The following CYBB variants were observed in gnomAD, a reference collection of about 807,000 sequenced individuals.
CYBB encodes NADPH oxidase 2.
In CYBB, 5 loss-of-function variants were observed where a neutral mutation model predicts 46.5. The observed-to-expected ratio is 0.11, with a 90% CI of 0.06 to 0.23. The LOEUF is 0.23. Ranked by LOEUF, CYBB falls within the 10% of genes least tolerant of loss-of-function variation. CYBB has a pLI of 1.00. For missense variants in CYBB, 307 were observed against 428.3 expected, an observed-to-expected ratio of 0.72 and a Z score of 2.50; for synonymous variants, 183 against 156.7, an observed-to-expected ratio of 1.17 and a Z score of -1.26.
In CYBB at chrX:37,812,847, T is replaced by G. The variant is rs1296856022; in HGVS notation, c.*1930T>G. The stretch of plus-strand genomic sequence containing the variant: ...TTCACACTGCACCTCAGGTATCAAT[T>G]CATCTATTCAACAGATATTTATTGT... On this transcript the variant is annotated 3_prime_UTR_variant, in exon 13 of 13. Coordinates refer to ENST00000378588, the MANE Select transcript of CYBB (RefSeq NM_000397.4). The G allele has an allele frequency of 1.8e-5, 2 of 112,225 alleles. No homozygotes were observed. Among genetic ancestry groups the G allele is most frequent in the African/African-American group, 6.5e-5 (2 of 30,819 alleles). The allele number at this position is 112,225 out of a possible 1,213,427, so 9.2% of individuals were successfully genotyped here.
chrX:37,798,359 T>A (rs1602180905), intron 6 of CYBB: 1 of 120,898 alleles, frequency 8.3e-6, no homozygotes, highest in East Asian at 2.4e-4. Flanking sequence ...AATGTTATAA[T>A]CCCTATATAG....
rs1340552655 is a variant in CYBB, at chrX:37,803,167, CTTAG to C, written c.898-704_898-701del. On this transcript the variant is annotated intron_variant, in intron 8 of 12. Coordinates refer to ENST00000378588, the MANE Select transcript of CYBB (RefSeq NM_000397.4). ...GTGATTCAGGACAAAGATAGACCAACTTAGTTAGTCTTGTTTTGGGGAATGTTGC... is the reference window on the plus strand; with the variant it reads ...GTGATTCAGGACAAAGATAGACCAACTTAGTCTTGTTTTGGGGAATGTTGC... Among the ~76,000 whole-genome samples the C allele has an allele frequency of 3.6e-5, 4 of 111,369 alleles. 1 individual carries two copies. Among genetic ancestry groups the C allele is most frequent in the African/African-American group, 3.3e-5 (1 of 30,631 alleles).
chrX:37,805,265 A>T, intron 10 of CYBB, 97 bp downstream of exon 10: 20 of 888,006 alleles, frequency 2.3e-5, no homozygotes, highest in East Asian at 3.3e-5. Flanking sequence ...GGCAGAGACC[A>T]TGGGAAGTGA....
Position 37,793,714 on chromosome X carries a change from C to A in CYBB, c.387C>A (p.Ala129=), listed in dbSNP as rs782757422. Residue 129 remains alanine, a synonymous_variant, in exon 5 of 13, where the codon GCC becomes GCA. Coordinates refer to ENST00000378588, the MANE Select transcript of CYBB (RefSeq NM_000397.4). ...TTAATGTGGAATGGTGTGTGAATGC[C>A]CGAGTCAATAATTCTGATCCTTATT... ...HLFNVEWCVN[A]RVNNSDPYSV... is the part of the protein sequence containing the mutation. 1 of 1,207,060 alleles carries A rather than the reference C, an allele frequency of 8.3e-7. No homozygotes were observed. Among genetic ancestry groups the A allele is most frequent in the Non-Finnish European group, 1.1e-6 (1 of 892,105 alleles).
Position 37,801,303 on chromosome X carries a change from G to T in CYBB, c.852G>T (p.Arg284Ser), listed in dbSNP as rs1258465142. The T allele has an allele frequency of 6.6e-6, 8 of 1,207,256 alleles. No homozygotes were observed. The highest frequency in any genetic ancestry group is 7.8e-6 in the Non-Finnish European group (7 of 893,229). ...VGPMFLYLCE[R>S]LVRFWRSQQK... Reference sequence around the variant, plus strand: ...CCATGTTTCTGTATCTCTGTGAGAGGTTGGTGCGGTTTTGGCGATCTCAAC... The same window carrying T: ...CCATGTTTCTGTATCTCTGTGAGAGTTTGGTGCGGTTTTGGCGATCTCAAC... The change falls in exon 8 of 13, where the codon AGG becomes AGT. Residue 284 changes from arginine to serine, a missense_variant. Arg to Ser is a moderately radical substitution (Grantham distance 110). This residue lies in a region of CYBB where 82 missense variants were observed against 69.9 expected (regional missense o/e 1.17). Transcript: ENST00000378588.
chrX:37,797,414 A>G (rs1929336889), intron 6 of CYBB, among the ~76,000 whole-genome samples: 1 of 111,620 alleles, frequency 9.0e-6, no homozygotes, highest in African/African-American at 3.3e-5. Flanking sequence ...CTTCCTTTGA[A>G]GCAGACAGAG....
chrX:37,807,819 G>A (rs1556472162), intron 11 of CYBB, among the ~76,000 whole-genome samples: 1 of 111,209 alleles, frequency 9.0e-6, no homozygotes, highest in Non-Finnish European at 1.9e-5. Context: ...TCTCAACTGG[G>A]ACAATTTTGC....
chrX:37,782,487 T>G (rs1438127354), intron 2 of CYBB, among the ~76,000 whole-genome samples: 2 of 112,736 alleles, frequency 1.8e-5, no homozygotes, highest in African/African-American at 3.2e-5. Flanking sequence ...GTTGGAGCAA[T>G]CCATCCAGGA....
At chrX:37,808,719 GA>G (rs1475591366) in intron 11 of CYBB, among the ~76,000 whole-genome samples, 1 of 111,845 alleles carries the variant, frequency 8.9e-6, no homozygotes, top group East Asian at 2.8e-4. Flanking sequence ...TAAAACTCAG[GA>G]AAAAAATCTA....
intron 2 of CYBB, 46 bp from the exon 3 acceptor site, chrX:37,783,444 T>A: frequency 1.1e-6 from 1 of 870,112 alleles, no homozygotes; most frequent in Middle Eastern, 3.0e-4. Context: ...CAGGGCATAT[T>A]CTGTGCTCAA....
chrX:37,788,710 C>G (rs1556466123), intron 3 of CYBB, among the ~76,000 whole-genome samples: 1 of 111,304 alleles, frequency 9.0e-6, no homozygotes, highest in Admixed American at 9.5e-5. Context: ...TATCTGAAGA[C>G]AAAACTTGCT....
chrX:37,798,933 T>C, intron 6 of CYBB, 22 bp from the exon 7 acceptor site: 1 of 1,194,338 alleles, frequency 8.4e-7, no homozygotes, highest in Non-Finnish European at 1.1e-6. Context: ...CTAAATGATC[T>C]GGACTTACAT....
Position 37,786,437 on chromosome X carries a change from G to A in CYBB, c.252+2837G>A, listed in dbSNP as rs538795557. ...GTGTTTGAGCATGCCAAGTAACCTA[G>A]ACTAGAAATGACAAGGATGTTATAA... On this transcript the variant is annotated intron_variant, in intron 3 of 12. Coordinates refer to ENST00000378588, the MANE Select transcript of CYBB (RefSeq NM_000397.4). Among the ~76,000 whole-genome samples the A allele has an allele frequency of 7.2e-5, 8 of 111,851 alleles. No homozygotes were observed. In the Admixed American group the frequency reaches 7.6e-4, roughly 11 times the overall value.
chrX:37,780,305 A>C (rs1281616932), intron 1 of CYBB, among the ~76,000 whole-genome samples, 183 bp downstream of exon 1: 1 of 112,030 alleles, frequency 8.9e-6, no homozygotes, highest in Non-Finnish European at 1.9e-5. Flanking sequence ...TGGAAAGAAC[A>C]TATCTGGGGG....
chrX:37,803,806 A>G (rs781881754), intron 8 of CYBB, 71 bp from the exon 9 acceptor site: 19 of 1,119,515 alleles, frequency 1.7e-5, no homozygotes, highest in East Asian at 3.1e-5. Flanking sequence ...TCAGTTTTTT[A>G]TCCATATGGA....
At chrX:37,801,942 G>A (rs1929454250) in intron 8 of CYBB, among the ~76,000 whole-genome samples, 1 of 110,673 alleles carries the variant, frequency 9.0e-6, no homozygotes, top group African/African-American at 3.3e-5. Context: ...AGTCTAGAGT[G>A]GCTTTTCCTG....
At chrX:37,783,632 A>G (rs782337277) in intron 3 of CYBB, 32 bp downstream of exon 3, 41 of 989,619 alleles carry the variant, frequency 4.1e-5, no homozygotes, top group Admixed American at 6.7e-5. Flanking sequence ...AGTTCCTCTA[A>G]TTTTCAAAGG....
chrX:37,786,185 T>A (rs1417177400), intron 3 of CYBB, among the ~76,000 whole-genome samples: 7 of 112,106 alleles, frequency 6.2e-5, no homozygotes, highest in African/African-American at 2.3e-4. Context: ...GTGCTGTAAC[T>A]AATGTTGGAA....
intron 9 of CYBB, 115 bp from the exon 10 acceptor site, chrX:37,804,891 A>C (rs1929523098): frequency 1.3e-6 from 1 of 774,023 alleles, no homozygotes; most frequent in Non-Finnish European, 2.0e-6. Context: ...CACCCAATAG[A>C]TACATTATTC....
Sources: gnomAD v4.1 joint callset for allele counts (sites outside exome capture counted in the v4.1 genomes callset) on GRCh38, gnomAD v4.1.1 for gene constraint, gnomAD v4.1.1 regional missense constraint, MANE v1.5 for transcripts, NCBI Gene and HGNC (gene_info 2026-07-23, HGNC 2026-07-21) for gene names.